NT5DC1: variants seen among roughly 807,000 people sequenced by gnomAD.
NT5DC1 encodes the protein 5'-nucleotidase domain-containing protein 1.
In NT5DC1, 42 loss-of-function variants were observed where a neutral mutation model predicts 59.4. The observed-to-expected ratio is 0.71, with a 90% CI of 0.55 to 0.92. NT5DC1 has a LOEUF of 0.92. Among genes scored for constraint, NT5DC1 ranks in the 40% least tolerant of loss-of-function variants. The pLI is 0.00. For synonymous variants in NT5DC1, 172 were observed against 188.1 expected, an observed-to-expected ratio of 0.91 and a Z score of 0.70; for missense variants, 501 against 537.1, an observed-to-expected ratio of 0.93 and a Z score of 0.66.
chr6:116,243,382 G>A (rs986592287), intron 11 of NT5DC1, among the ~76,000 whole-genome samples: 1 of 151,994 alleles, frequency 6.6e-6, no homozygotes, highest in African/African-American at 2.4e-5. Flanking sequence ...CTCACATAGA[G>A]CTCGGGATGA....
At chr6:116,211,962 G>A (rs1781589294) in intron 6 of NT5DC1, among the ~76,000 whole-genome samples, 1 of 152,026 alleles carries the variant, frequency 6.6e-6, no homozygotes, top group African/African-American at 2.4e-5. Flanking sequence ...AGTGAGGCCT[G>A]TGTATGGATT....
chr6:116,104,159 C>G (rs377188354), intron 1 of NT5DC1, among the ~76,000 whole-genome samples: 14 of 152,316 alleles, frequency 9.2e-5, no homozygotes, highest in African/African-American at 3.4e-4. Context: ...TAAGGACAAA[C>G]TGCAAGAAGC....
At chr6:116,110,483 C>A (rs1174433086) in intron 3 of NT5DC1, among the ~76,000 whole-genome samples, 1 of 152,186 alleles carries the variant, frequency 6.6e-6, no homozygotes, top group African/African-American at 2.4e-5. Context: ...GCTCTTTCTC[C>A]AGTGCTGCCA....
Position 116,141,885 on chromosome 6 carries a change from A to AACACACACACACACACAC in NT5DC1, c.529+23965_529+23982dup, listed in dbSNP as rs3051942. On this transcript the variant is annotated intron_variant, in intron 6 of 11. Transcript: ENST00000319550. ...GTAAAAGATTTTCTGCCAAAAAGAA[A>AACACACACACACACACAC]ACACACACACACACACACACACACA... 4.3e-3 allele frequency among the ~76,000 whole-genome samples: 604 copies of AACACACACACACACACAC among 140,378 alleles called. 6 individuals carry two copies. The highest frequency in any genetic ancestry group is 0.014 in the African/African-American group (522 of 37,448). 92.1% of individuals were successfully genotyped at this position (140,378 alleles called of 152,430 possible). A position where few individuals can be genotyped will look rare whatever the true frequency, so the allele number is the denominator to read the frequency against.
intron 6 of NT5DC1, chr6:116,126,280 TC>T (rs1215931787): frequency 6.6e-6 from 1 of 152,170 alleles, no homozygotes; most frequent in Non-Finnish European, 1.5e-5. Context: ...CGGGCTGGGC[TC>T]TCCTTTTCCT....
intron 6 of NT5DC1, among the ~76,000 whole-genome samples, chr6:116,157,734 A>C (rs1169206915): frequency 6.6e-6 from 1 of 152,156 alleles, no homozygotes; most frequent in African/African-American, 2.4e-5. Context: ...AAATGGTGAG[A>C]GTGGGTGGAA....
chr6:116,238,233 G>A lies in NT5DC1; in HGVS notation c.968G>A (p.Arg323His), dbSNP rs374018244. 124 of 1,611,686 alleles carry A rather than the reference G, an allele frequency of 7.7e-5. 1 individual carries two copies. The highest frequency in any genetic ancestry group is 1.5e-4 in the African/African-American group (11 of 74,704). ...DSMHSDIFPARHYSNWETVLI... is the reference protein window; with the variant it reads ...DSMHSDIFPAHHYSNWETVLI... ...ATGCATTCAGATATTTTCCCAGCTC[G>A]TCACTATAGTAATTGGGAGACAGTC... Residue 323 changes from arginine to histidine, a missense_variant, in exon 10 of 12, where the codon CGT becomes CAT. Coordinates refer to ENST00000319550, the MANE Select transcript of NT5DC1 (RefSeq NM_152729.3).
In NT5DC1 at chr6:116,120,049, G is replaced by A. The variant is rs1025613476; in HGVS notation, c.529+2104G>A. On this transcript the variant is annotated intron_variant, in intron 6 of 11. Coordinates refer to ENST00000319550, the MANE Select transcript of NT5DC1 (RefSeq NM_152729.3). ...TTAGAGAATGCTTTTTCTAGCACAAGATTTAGATTAGCTCTGTGTGTACTC... is the reference window on the plus strand; with the variant it reads ...TTAGAGAATGCTTTTTCTAGCACAAAATTTAGATTAGCTCTGTGTGTACTC... The A allele has an allele frequency of 3.3e-6, 5 of 1,512,872 alleles. No individual in the cohort carries two copies. The African/African-American group carries it at 6.4e-5, about 19-fold the overall frequency. 93.7% of individuals were successfully genotyped at this position (1,512,872 alleles called of 1,614,324 possible). A position where few individuals can be genotyped will look rare whatever the true frequency, so the allele number is the denominator to read the frequency against.
At chr6:116,224,493 A>G (rs563053819) in intron 8 of NT5DC1, among the ~76,000 whole-genome samples, 56 of 152,370 alleles carry the variant, frequency 3.7e-4, no homozygotes, top group African/African-American at 1.2e-3. Context: ...TATATGGGGC[A>G]GGCCTCCTTA....
In NT5DC1 at chr6:116,163,126, C is replaced by CAAAAAAAAA. The variant is rs71272373; in HGVS notation, c.529+45189_529+45197dup. 1.1e-3 allele frequency among the ~76,000 whole-genome samples: 94 copies of CAAAAAAAAA among 84,290 alleles called. 4 individuals carry two copies. Among genetic ancestry groups the CAAAAAAAAA allele is most frequent in the African/African-American group, 6.1e-3 (77 of 12,714 alleles). The allele number at this position is 84,290 out of a possible 152,430, so 55.3% of individuals were successfully genotyped here. ...TGGGAGACACAGCGAGACTCCGTCTCAAAAAAAAAAAAAAAATATATATAT... is the reference window on the plus strand; with the variant it reads ...TGGGAGACACAGCGAGACTCCGTCTCAAAAAAAAAAAAAAAAAAAAAAAAATATATATAT... On this transcript the variant is annotated intron_variant, in intron 6 of 11. Coordinates refer to ENST00000319550, the MANE Select transcript of NT5DC1 (RefSeq NM_152729.3).
At chr6:116,214,999 A>G (rs2114532417) in intron 6 of NT5DC1, among the ~76,000 whole-genome samples, 1 of 152,200 alleles carries the variant, frequency 6.6e-6, no homozygotes, top group South Asian at 2.1e-4. Context: ...GGAATTGTTA[A>G]CATCATCATT....
At chr6:116,173,099 G>T (rs534615047) in intron 6 of NT5DC1, among the ~76,000 whole-genome samples, 37 of 152,218 alleles carry the variant, frequency 2.4e-4, no homozygotes, top group African/African-American at 8.7e-4. Context: ...TTCAAAATTT[G>T]TGGTGATCCA....
At chr6:116,213,858 T>C (rs1265779816) in intron 6 of NT5DC1, among the ~76,000 whole-genome samples, 1 of 151,982 alleles carries the variant, frequency 6.6e-6, no homozygotes, top group Non-Finnish European at 1.5e-5. Context: ...GGAATTCTTA[T>C]TGGGGATTTT....
At chr6:116,155,095 G>T (rs1267789553) in intron 6 of NT5DC1, among the ~76,000 whole-genome samples, 2 of 152,128 alleles carry the variant, frequency 1.3e-5, no homozygotes, top group Non-Finnish European at 2.9e-5. Context: ...AGTAATTGCG[G>T]TTTTTGCCAT....
intron 6 of NT5DC1, among the ~76,000 whole-genome samples, chr6:116,154,675 T>C (rs1221792852): frequency 1.3e-5 from 2 of 152,118 alleles, no homozygotes; most frequent in Non-Finnish European, 2.9e-5. Context: ...AAGGGAGAGG[T>C]TCTCCCTGAG....
In NT5DC1 at chr6:116,193,355, A is replaced by G. The variant is rs576317318; in HGVS notation, c.530-27699A>G. ...GATGTTTTACTTTTAAACAAAAGGC[A>G]GGAAGAGCCCGTGTGTTAGAAAGCT... is the stretch of plus-strand genomic sequence containing the variant. On this transcript the variant is annotated intron_variant, in intron 6 of 11. Coordinates refer to ENST00000319550, the MANE Select transcript of NT5DC1 (RefSeq NM_152729.3). 4.9e-3 allele frequency among the ~76,000 whole-genome samples: 744 copies of G among 152,218 alleles called. 8 individuals carry two copies. The highest frequency in any genetic ancestry group is 0.017 in the African/African-American group (706 of 41,554).
At chr6:116,117,320 G>C (rs1778985042) in intron 5 of NT5DC1, among the ~76,000 whole-genome samples, 1 of 152,080 alleles carries the variant, frequency 6.6e-6, no homozygotes, top group Non-Finnish European at 1.5e-5. Flanking sequence ...TGTATATGTA[G>C]CAGTGATTTT....
chr6:116,226,347 G>A (rs1781909106), intron 8 of NT5DC1, among the ~76,000 whole-genome samples: 1 of 151,802 alleles, frequency 6.6e-6, no homozygotes, highest in African/African-American at 2.4e-5. Flanking sequence ...CATTCCATAA[G>A]ATTTTTATTA....
chr6:116,110,263 C>A (rs563176), intron 3 of NT5DC1, among the ~76,000 whole-genome samples: 90,688 of 152,066 alleles, frequency 0.6, 27,440 homozygotes, highest in East Asian at 0.78. Flanking sequence ...ACAGAAAATA[C>A]CTACTTTCTT....
Sources: gnomAD v4.1 joint callset for allele counts (sites outside exome capture counted in the v4.1 genomes callset) on GRCh38, gnomAD v4.1.1 for gene constraint, MANE v1.5 for transcripts, NCBI Gene and HGNC (gene_info 2026-07-23, HGNC 2026-07-21) for gene names.